DUS4L: variants seen among roughly 807,000 people sequenced by gnomAD.
The protein encoded by DUS4L is dihydrouridine synthase 4 like, also known as tRNA-dihydrouridine(20a/20b) synthase [NAD(P)+]-like.
In DUS4L, 31 loss-of-function variants were observed where a neutral mutation model predicts 33.8. The ratio of observed to expected loss-of-function variants is 0.92; its 90% confidence interval spans 0.69 to 1.24. The LOEUF is 1.24. Ranked by LOEUF, DUS4L falls within the 50% of genes most tolerant of loss-of-function variation. The pLI is 0.00. For missense variants in DUS4L, 368 were observed against 388.6 expected (o/e 0.95, Z 0.45); for synonymous variants, 103 against 120.3 (o/e 0.86, Z 0.94).
At chr7:107,566,073 A>G (rs1563108192) in intron 2 of DUS4L, among the ~76,000 whole-genome samples, 1 of 152,144 alleles carries the variant, frequency 6.6e-6, no homozygotes, top group Non-Finnish European at 1.5e-5. Context: ...GTTCATCTTC[A>G]GTCTCTTTTG....
At chr7:107,572,885 TATACTC>T (rs1032052145) in intron 4 of DUS4L, among the ~76,000 whole-genome samples, 38 of 151,086 alleles carry the variant, frequency 2.5e-4, no homozygotes, top group Non-Finnish European at 3.4e-4. Context: ...AGAGCACAAA[TATACTC>T]AAAGACAAAA....
Position 107,576,543 on chromosome 7 carries a change from C to G in DUS4L, c.657C>G (p.Ile219Met), listed in dbSNP as rs200651677. 1.3e-6 allele frequency: 2 copies of G among 1,598,956 alleles called. No individual in the cohort carries two copies. Among genetic ancestry groups the G allele is most frequent in the Non-Finnish European group, 1.7e-6 (2 of 1,174,234 alleles). ...TACCTGTAATTGCTAATGGAGACAT[C>G]AGAAGCTTAAAGGAAGCAGAAAATG... The part of the protein sequence containing the change: ...MSIPVIANGD[I>M]RSLKEAENVW... The change falls in exon 7 of 8, where the codon ATC becomes ATG. Residue 219 changes from isoleucine (I) to methionine (M), a missense_variant. Coordinates refer to ENST00000265720, the MANE Select transcript of DUS4L (RefSeq NM_181581.3).
At chr7:107,569,263 A>G in intron 3 of DUS4L, among the ~76,000 whole-genome samples, 1 of 152,222 alleles carries the variant, frequency 6.6e-6, no homozygotes, top group Non-Finnish European at 1.5e-5. Flanking sequence ...TCTTTGTGAG[A>G]AATCAGCATT....
At chr7:107,576,256 T>TG in intron 6 of DUS4L, 110 bp from the exon 7 acceptor site, 1 of 1,054,944 alleles carries the variant, frequency 9.5e-7, no homozygotes, top group Non-Finnish European at 1.4e-6. Flanking sequence ...AGTAATAATA[T>TG]GATATAGCAA....
chr7:107,565,169 AGAGT>A (rs1233070660), intron 2 of DUS4L, among the ~76,000 whole-genome samples: 7 of 152,188 alleles, frequency 4.6e-5, no homozygotes, highest in Non-Finnish European at 1.0e-4. Flanking sequence ...AGATTTTAGA[AGAGT>A]GAGTAATATT....
chr7:107,564,354 T>G, intron 1 of DUS4L, 145 bp downstream of exon 1: 6 of 319,902 alleles, frequency 1.9e-5, no homozygotes, highest in East Asian at 7.5e-5. Flanking sequence ...AGTCACGCGT[T>G]AGTTGCTACA....
chr7:107,566,663 A>G (rs953204662), intron 2 of DUS4L, among the ~76,000 whole-genome samples: 7 of 152,314 alleles, frequency 4.6e-5, no homozygotes, highest in Non-Finnish European at 8.8e-5. Context: ...AAAACAAGAT[A>G]TTTCCAAATG....
rs940278127 is a variant in DUS4L at position 107,574,357 on chromosome 7, T to TG, written c.356+536_356+537insG. Among the ~76,000 whole-genome samples the TG allele has an allele frequency of 3.3e-5, 5 of 151,118 alleles. No individual in the cohort carries two copies. In the East Asian group the frequency reaches 5.8e-4, roughly 18 times the overall value. The stretch of plus-strand genomic sequence containing the variant: ...TGACAATAATATTTCTTTTTTTTTT[T>TG]TTTTTTTTGAGACAAGAGTTTCCCG... On this transcript the variant is annotated intron_variant, in intron 5 of 7. Coordinates refer to ENST00000265720, the MANE Select transcript of DUS4L (RefSeq NM_181581.3).
At chr7:107,575,840 T>TA (rs1440311326) in intron 6 of DUS4L, 6 of 162,766 alleles carry the variant, frequency 3.7e-5, no homozygotes, top group African/African-American at 1.4e-4. Flanking sequence ...TACAGGTGTG[T>TA]GTCACCACAC....
At chr7:107,569,608 T>C (rs1563111231) in intron 3 of DUS4L, among the ~76,000 whole-genome samples, 1 of 151,876 alleles carries the variant, frequency 6.6e-6, no homozygotes, top group Non-Finnish European at 1.5e-5. Context: ...CTTTGATTTC[T>C]ATCATCAGTA....
In DUS4L at chr7:107,564,086, C is replaced by A. The variant is rs1435645278; in HGVS notation, c.-234C>A. 7.5e-7 allele frequency: 1 copy of A among 1,338,572 alleles called. No homozygotes were observed. 82.9% of individuals were successfully genotyped at this position (1,338,572 alleles called of 1,614,324 possible). On this transcript the variant is annotated 5_prime_UTR_variant, in exon 1 of 8. Coordinates refer to ENST00000265720, the MANE Select transcript of DUS4L (RefSeq NM_181581.3). ...TACTCGAGCAGTGGGCGCCCAGGGT[C>A]CGAGTGCTCTGCGCCCAGCGCACCG...
intron 2 of DUS4L, among the ~76,000 whole-genome samples, chr7:107,565,099 A>T (rs1452033474): frequency 6.6e-6 from 1 of 152,176 alleles, no homozygotes; most frequent in East Asian, 1.9e-4. Context: ...GGGGTGATTC[A>T]TTCATTACTT....
Position 107,573,771 on chromosome 7 carries a change from A to C in DUS4L, c.306A>C (p.Ile102=). ...DARLLSDAAR[I]VCPYANGIDI... is the part of the protein sequence containing the mutation. ...GACTTTTATCTGATGCTGCTCGTAT[A>C]GTCTGTCCTTATGCGAATGGAATAG... The change falls in exon 5 of 8, where the codon ATA becomes ATC. Residue 102 remains isoleucine (I), a synonymous_variant. Transcript: ENST00000265720. 6.2e-7 allele frequency: 1 copy of C among 1,609,194 alleles called. No homozygotes were observed. Among genetic ancestry groups the C allele is most frequent in the Non-Finnish European group, 8.5e-7 (1 of 1,177,832 alleles).
At chr7:107,573,875 G>A (rs895644559) in intron 5 of DUS4L, 54 bp downstream of exon 5, 2 of 1,422,316 alleles carry the variant, frequency 1.4e-6, no homozygotes, top group Non-Finnish European at 1.9e-6. Context: ...AAAAAACTGT[G>A]TGAACATGGT....
chr7:107,567,885 T>C (rs888780408), intron 3 of DUS4L: 4 of 303,474 alleles, frequency 1.3e-5, no homozygotes, highest in Admixed American at 4.5e-5. Context: ...ATAAGTCTTA[T>C]ACGTATTTGT....
At chr7:107,572,842 CAAAAA>C (rs769843752) in intron 4 of DUS4L, among the ~76,000 whole-genome samples, 1 of 106,532 alleles carries the variant, frequency 9.4e-6, no homozygotes, top group Non-Finnish European at 2.0e-5. Flanking sequence ...GACTCTGTCT[CAAAAA>C]AAAAAAAAAA....
rs1380218726 is a variant in DUS4L, at chr7:107,577,573, A to T, written c.*13A>T. The T allele has an allele frequency of 6.2e-7, 1 of 1,607,208 alleles. No homozygotes were observed. Among genetic ancestry groups the T allele is most frequent in the Non-Finnish European group, 8.5e-7 (1 of 1,176,466 alleles). On this transcript the variant is annotated 3_prime_UTR_variant, in exon 8 of 8. Transcript: ENST00000265720. ...TTATGGCATTTGACTAGACTTCCCA[A>T]ATAATTTTAATATATACTTTTAGAC... is the stretch of plus-strand genomic sequence containing the variant.
At chr7:107,571,456 G>A (rs1457725634) in intron 4 of DUS4L, among the ~76,000 whole-genome samples, 190 bp downstream of exon 4, 1 of 152,178 alleles carries the variant, frequency 6.6e-6, no homozygotes, top group Non-Finnish European at 1.5e-5. Flanking sequence ...ATACCAAAGT[G>A]TAAGGTCACT....
At chr7:107,567,868 A>G in intron 3 of DUS4L, 1 of 370,742 alleles carries the variant, frequency 2.7e-6, no homozygotes, top group Non-Finnish European at 5.3e-6. Flanking sequence ...TACTCTAGGT[A>G]CCTCATATAA....
Sources: gnomAD v4.1 joint callset for allele counts (sites outside exome capture counted in the v4.1 genomes callset) on GRCh38, gnomAD v4.1.1 for gene constraint, MANE v1.5 for transcripts, NCBI Gene and HGNC (gene_info 2026-07-23, HGNC 2026-07-21) for gene names.